Variants in TRIM66 observed in about 807,000 individuals in gnomAD.
TRIM66 encodes tripartite motif-containing protein 66.
Under a neutral mutation model 148.2 loss-of-function variants are expected in TRIM66, and 99 were observed. The ratio of observed to expected loss-of-function variants is 0.67; its 90% CI spans 0.57 to 0.79. TRIM66 has a LOEUF of 0.79. TRIM66 is among the 30% of genes least tolerant of loss of function. The probability of loss-of-function intolerance (pLI) is 0.00; values close to 1 mark genes in which losing one functional copy is unlikely to be tolerated. For missense variants in TRIM66, 1,666 were observed against 1,697.9 expected, an observed-to-expected ratio of 0.98 and a Z score of 0.33; for synonymous variants, 616 against 635.9, an observed-to-expected ratio of 0.97 and a Z score of 0.47.
At chr11:8,670,762 T>C (rs904538903) in intron 6 of TRIM66, among the ~76,000 whole-genome samples, 1 of 152,228 alleles carries the variant, frequency 6.6e-6, no homozygotes, top group African/African-American at 2.4e-5. Flanking sequence ...TTAAAAATCA[T>C]ATATTAATGT....
At chr11:8,641,853 C>T (rs2036421483) in intron 13 of TRIM66, among the ~76,000 whole-genome samples, 1 of 152,098 alleles carries the variant, frequency 6.6e-6, no homozygotes, top group Admixed American at 6.6e-5. Flanking sequence ...CTCCCCCTTG[C>T]TCTGTTTCTT....
intron 13 of TRIM66, among the ~76,000 whole-genome samples, chr11:8,641,462 C>T (rs940424088): frequency 6.6e-6 from 1 of 152,126 alleles, no homozygotes; most frequent in Non-Finnish European, 1.5e-5. Context: ...TCATTTTTTT[C>T]CAACAGAACA....
chr11:8,617,726 C>T lies in TRIM66; in HGVS notation c.*218G>A, dbSNP rs1156777081. 1.1e-5 allele frequency: 6 copies of T among 546,282 alleles called. No homozygotes were observed. The highest frequency in any genetic ancestry group is 1.6e-5 in the Non-Finnish European group (5 of 307,242). 33.8% of individuals were successfully genotyped at this position (546,282 alleles called of 1,614,324 possible). Reference sequence around the variant, plus strand: ...CTGATTACTCTGGTAATAATAAATACCTTCCTCTTTCCTGTTTATTACTGA... The same window carrying T: ...CTGATTACTCTGGTAATAATAAATATCTTCCTCTTTCCTGTTTATTACTGA... On this transcript the variant is annotated 3_prime_UTR_variant, in exon 25 of 25. Transcript: ENST00000646038.
At position 8,620,547 on chromosome 11, in the gene TRIM66, G is replaced by A. The variant is rs1437917471; in HGVS notation, c.3571C>T (p.Arg1191Cys). The stretch of plus-strand genomic sequence containing the variant: ...TCCATCTCGGGCTGGGTCAGGCTGC[G>A]GCACAAGGTACACACCCACTCTCCC... ...PGGEWVCTLC[R>C]SLTQPEMEYD... The change falls in exon 21 of 25, where the codon CGC (arginine) becomes TGC (cysteine). Residue 1191 changes from arginine (R) to cysteine (C), a missense_variant. Around this residue, in one of 3 missense-constraint regions of TRIM66, gnomAD observed 31 missense variants for 54.4 expected, o/e 0.57. Transcript: ENST00000646038. 1.4e-5 allele frequency: 22 copies of A among 1,551,636 alleles called. No homozygotes were observed. The highest frequency in any genetic ancestry group is 2.4e-5 in the East Asian group (1 of 40,914).
intron 6 of TRIM66, chr11:8,663,009 G>A (rs1022993653): frequency 1.3e-5 from 2 of 152,174 alleles, no homozygotes; most frequent in African/African-American, 2.4e-5. Flanking sequence ...AGCCAAAAAA[G>A]CAAATAGCCC....
intron 15 of TRIM66, among the ~76,000 whole-genome samples, chr11:8,627,347 A>G (rs1452125118): frequency 6.6e-6 from 1 of 152,236 alleles, no homozygotes; most frequent in East Asian, 1.9e-4. Context: ...TTAGTCTATG[A>G]GTCTCTCTAA....
At chr11:8,649,486 G>C (rs1345678735) in intron 8 of TRIM66, among the ~76,000 whole-genome samples, 1 of 152,176 alleles carries the variant, frequency 6.6e-6, no homozygotes, top group Non-Finnish European at 1.5e-5. Context: ...AGCTCAGCCA[G>C]CTTCCACAAT....
upstream of TRIM66, chr11:8,682,888 G>A (rs2039511828): frequency 2.0e-6 from 3 of 1,533,520 alleles, no homozygotes; most frequent in South Asian, 3.7e-5. Context: ...ATTGCCCCTA[G>A]TCATCCACTC....
intron 22 of TRIM66, among the ~76,000 whole-genome samples, 168 bp downstream of exon 22, chr11:8,619,882 C>T (rs932022265): frequency 1.3e-5 from 2 of 152,358 alleles, no homozygotes; most frequent in East Asian, 1.9e-4. Context: ...CACGCTCCTG[C>T]CCCATGGCCT....
chr11:8,646,676 C>A, intron 10 of TRIM66, 115 bp from the exon 11 acceptor site: 4 of 728,040 alleles, frequency 5.5e-6, no homozygotes, highest in Admixed American at 2.5e-5. Context: ...CAGGGCCTAG[C>A]AGACACCAAA....
chr11:8,657,087 T>C (rs943922475), intron 6 of TRIM66, among the ~76,000 whole-genome samples: 1 of 152,310 alleles, frequency 6.6e-6, no homozygotes, highest in African/African-American at 2.4e-5. Context: ...GGCCCACACA[T>C]GTCTGTTTCA....
chr11:8,667,757 A>G (rs2038691984), intron 6 of TRIM66, among the ~76,000 whole-genome samples: 1 of 152,214 alleles, frequency 6.6e-6, no homozygotes, highest in Non-Finnish European at 1.5e-5. Context: ...TTCCTTATTA[A>G]GGCTGAATAA....
chr11:8,641,788 G>T (rs1426572190), intron 13 of TRIM66, among the ~76,000 whole-genome samples: 1 of 152,072 alleles, frequency 6.6e-6, no homozygotes, highest in Non-Finnish European at 1.5e-5. Context: ...TCCCTTTGGT[G>T]CTGTTCTTGT....
At chr11:8,621,373 C>T (rs2034197111) in intron 19 of TRIM66, 52 bp from the exon 20 acceptor site, 10 of 1,509,420 alleles carry the variant, frequency 6.6e-6, no homozygotes, top group East Asian at 2.5e-5. Context: ...AACAAGCTCT[C>T]GAGGGAGGGG....
At chr11:8,669,229 A>T (rs567180441) in intron 6 of TRIM66, among the ~76,000 whole-genome samples, 64 of 152,350 alleles carry the variant, frequency 4.2e-4, no homozygotes, top group African/African-American at 1.5e-3. Flanking sequence ...TAATACCAAC[A>T]GTGCTATTTA....
chr11:8,630,872 TCTGA>T (rs2035328565), intron 15 of TRIM66, among the ~76,000 whole-genome samples: 1 of 152,206 alleles, frequency 6.6e-6, no homozygotes, highest in Non-Finnish European at 1.5e-5. Flanking sequence ...CCCTGAATTG[TCTGA>T]CTTTCAACCT....
chr11:8,676,052 C>T (rs2039163520), intron 3 of TRIM66, among the ~76,000 whole-genome samples: 1 of 152,162 alleles, frequency 6.6e-6, no homozygotes, highest in Non-Finnish European at 1.5e-5. Flanking sequence ...TTTTAAAAGG[C>T]TAGTTTAACT....
chr11:8,631,568 G>A (rs938123039), intron 15 of TRIM66, among the ~76,000 whole-genome samples: 8 of 152,212 alleles, frequency 5.3e-5, no homozygotes, highest in South Asian at 4.1e-4. Context: ...TGATGCTTTC[G>A]GGAACTTCTA....
At chr11:8,674,981 G>A (rs969398545) in intron 3 of TRIM66, 98 bp from the exon 4 acceptor site, 17 of 152,344 alleles carry the variant, frequency 1.1e-4, no homozygotes, top group South Asian at 4.1e-4. Flanking sequence ...TTTCTTAAAT[G>A]TTATTTATAA....
Sources: gnomAD v4.1 joint callset for allele counts (sites outside exome capture counted in the v4.1 genomes callset) on GRCh38, gnomAD v4.1.1 for gene constraint, gnomAD v4.1.1 regional missense constraint, MANE v1.5 for transcripts, NCBI Gene and HGNC (gene_info 2026-07-23, HGNC 2026-07-21) for gene names.